TREH: variants seen among roughly 807,000 people sequenced by gnomAD.
The protein encoded by TREH is alpha,alpha-trehalose glucohydrolase.
Under a neutral mutation model 80.5 loss-of-function variants are expected in TREH, and 69 were observed. The observed-to-expected ratio is 0.86, with a 90% CI of 0.71 to 1.05. TREH has a LOEUF of 1.05. Among genes scored for constraint, TREH ranks in the 50% least tolerant of loss-of-function variants. TREH has a pLI of 0.00. For missense variants in TREH, 716 were observed against 718.8 expected (o/e 1.00, Z 0.04); for synonymous variants, 309 against 293.5 (o/e 1.05, Z -0.54).
In TREH at chr11:118,661,064, C is replaced by G; in HGVS notation, c.857+96G>C. On this transcript the variant is annotated intron_variant, in intron 8 of 14. Coordinates refer to ENST00000264029, the MANE Select transcript of TREH (RefSeq NM_007180.3). The surrounding 1 kb of genome is among the most constrained non-coding windows in gnomAD (Gnocchi z 4.2). Reference sequence around the variant, plus strand: ...CTCTCGGTGTCACCATCTGAGAGGCCAGGCTAAGTCACTCCTCCTCCTGCC... The same window carrying G: ...CTCTCGGTGTCACCATCTGAGAGGCGAGGCTAAGTCACTCCTCCTCCTGCC... 1 of 1,584,002 alleles carries G rather than the reference C, an allele frequency of 6.3e-7. No individual in the cohort carries two copies. Among genetic ancestry groups the G allele is most frequent in the South Asian group, 1.1e-5 (1 of 87,178 alleles).
In TREH at chr11:118,657,986, T is replaced by G; in HGVS notation, c.*303A>C. ...GCCCAGGCTGGGGGTTTTCAGTATT[T>G]GTAAGCATTTCAGCAGAACAATAAA... is the stretch of plus-strand genomic sequence containing the variant. On this transcript the variant is annotated 3_prime_UTR_variant, in exon 15 of 15. Coordinates refer to ENST00000264029, the MANE Select transcript of TREH (RefSeq NM_007180.3). 1 of 365,584 alleles carries G rather than the reference T, an allele frequency of 2.7e-6. No individual in the cohort carries two copies. Among genetic ancestry groups the G allele is most frequent in the Non-Finnish European group, 5.0e-6 (1 of 199,560 alleles). The allele number at this position is 365,584 out of a possible 1,614,324, so 22.6% of individuals were successfully genotyped here. A position where few individuals can be genotyped will look rare whatever the true frequency, so the allele number is the denominator to read the frequency against.
At position 118,659,913 on chromosome 11, in the gene TREH, G is replaced by T; in HGVS notation, c.1154C>A (p.Ala385Asp). 1 of 1,551,730 alleles carries T rather than the reference G, an allele frequency of 6.4e-7. No homozygotes were observed. The highest frequency in any genetic ancestry group is 8.7e-7 in the Non-Finnish European group (1 of 1,147,010). Reference protein sequence around the residue: ...KYRILRSQRLAALNTVLWDEQ... With the variant: ...KYRILRSQRLDALNTVLWDEQ... ...ATCCCACAGGACTGTGTTCAGGGCG[G>T]CCAAGCGCTGCGACCGCAGGATTCT... Residue 385 changes from alanine (A) to aspartate (D), a missense_variant, in exon 11 of 15, where the codon GCC becomes GAC. Physicochemically the swap from Ala to Asp is moderately radical, Grantham distance 126 (BLOSUM62 -2). Transcript: ENST00000264029.
intron 1 of TREH, among the ~76,000 whole-genome samples, chr11:118,671,060 T>G (rs773088497): frequency 2.0e-5 from 3 of 152,182 alleles, no homozygotes; most frequent in Non-Finnish European, 4.4e-5. Context: ...TTGTAAATGC[T>G]TCTCCTTCAG....
In TREH at chr11:118,661,127, A is replaced by G; in HGVS notation, c.857+33T>C. 6.2e-7 allele frequency: 1 copy of G among 1,612,582 alleles called. No individual in the cohort carries two copies. The highest frequency in any genetic ancestry group is 8.5e-7 in the Non-Finnish European group (1 of 1,178,996). On this transcript the variant is annotated intron_variant, in intron 8 of 14. Transcript: ENST00000264029. The surrounding 1 kb of genome is among the most constrained non-coding windows in gnomAD (Gnocchi z 4.2). Reference sequence around the variant, plus strand: ...ATGCTCTAACCAGAGTGAGCAGGTAAGAGATTGAGGGGTGGGCTGCCCAGT... The same window carrying G: ...ATGCTCTAACCAGAGTGAGCAGGTAGGAGATTGAGGGGTGGGCTGCCCAGT...
Position 118,658,670 on chromosome 11 carries a change from G to A in TREH, c.1599+10C>T. ...CCTGGTGTTGGCCAGCCCACCCCTG[G>A]CCTGCTCACCTGAACTTCATATTCT... On this transcript the variant is annotated intron_variant, in intron 14 of 14. Transcript: ENST00000264029. 2 of 1,584,206 alleles carry A rather than the reference G, an allele frequency of 1.3e-6. No homozygotes were observed. Among genetic ancestry groups the A allele is most frequent in the Non-Finnish European group, 1.7e-6 (2 of 1,164,964 alleles).
At chr11:118,665,240 G>T (rs187716101) in intron 1 of TREH, among the ~76,000 whole-genome samples, 1 of 152,286 alleles carries the variant, frequency 6.6e-6, no homozygotes, top group East Asian at 1.9e-4. Flanking sequence ...ATGACTATAT[G>T]ATTTGTTCCC....
At chr11:118,667,189 T>C in intron 1 of TREH, among the ~76,000 whole-genome samples, 1 of 151,806 alleles carries the variant, frequency 6.6e-6, no homozygotes, top group African/African-American at 2.4e-5. Context: ...GCCTATTTTT[T>C]CTTTTTTTAG....
chr11:118,659,663 G>A (rs2137259648), intron 11 of TREH, 84 bp downstream of exon 11: 1 of 1,488,966 alleles, frequency 6.7e-7, no homozygotes, highest in Non-Finnish European at 9.1e-7. Context: ...GCCGGAGGAA[G>A]CGCCCTCCCC....
intron 9 of TREH, 31 bp from the exon 10 acceptor site, chr11:118,660,764 C>T (rs1555144773): frequency 6.4e-7 from 1 of 1,553,318 alleles, no homozygotes; most frequent in Non-Finnish European, 8.7e-7. Flanking sequence ...ACCAGCCAGT[C>T]CCGGCTGCAG....
chr11:118,660,588 G>C lies in TREH; in HGVS notation c.1053C>G (p.Ala351=), dbSNP rs1555144691. Residue 351 remains alanine (A), a synonymous_variant, in exon 10 of 15, where the codon GCC becomes GCG. Coordinates refer to ENST00000264029, the MANE Select transcript of TREH (RefSeq NM_007180.3). The part of the protein sequence containing the change: ...TSKLVPVDLN[A]FLCQAEELMS... Reference sequence around the variant, plus strand: ...TCAGCTCCTCTGCTTGGCATAGGAAGGCATTCAGGTCAACAGGCACCAGTT... The same window carrying C: ...TCAGCTCCTCTGCTTGGCATAGGAACGCATTCAGGTCAACAGGCACCAGTT... The C allele has an allele frequency of 6.2e-7, 1 of 1,610,892 alleles. No homozygotes were observed. Among genetic ancestry groups the C allele is most frequent in the Admixed American group, 1.7e-5 (1 of 59,590 alleles).
At chr11:118,671,197 G>T (rs1949426888) in intron 1 of TREH, among the ~76,000 whole-genome samples, 1 of 152,142 alleles carries the variant, frequency 6.6e-6, no homozygotes, top group African/African-American at 2.4e-5. Context: ...GGCACAACCT[G>T]CCCCATCAGA....
At position 118,663,093 on chromosome 11, in the gene TREH, C is replaced by T. The variant is rs1367172483; in HGVS notation, c.294G>A (p.Gly98=). The change falls in exon 3 of 15, where the codon GGG becomes GGA. Residue 98 remains glycine (G), a synonymous_variant. Coordinates refer to ENST00000264029, the MANE Select transcript of TREH (RefSeq NM_007180.3). ...AFVHEHFQAK[G]QELQPWTPAD... is the part of the protein sequence containing the mutation. ...CAGGGGTCCAGGGCTGCAGCTCCTG[C>T]CCCTTGGCCTGGAAGTGTTCGTGGA... The T allele has an allele frequency of 8.1e-6, 13 of 1,613,924 alleles. No homozygotes were observed. The highest frequency in any genetic ancestry group is 9.3e-6 in the Non-Finnish European group (11 of 1,179,900).
chr11:118,659,603 C>G, intron 11 of TREH, 122 bp from the exon 12 acceptor site: 1 of 1,356,530 alleles, frequency 7.4e-7, no homozygotes, highest in Non-Finnish European at 1.0e-6. Flanking sequence ...CGGCTCACAG[C>G]TGCCCCCCGG....
At chr11:118,678,339 T>G (rs1440135621) in intron 1 of TREH, among the ~76,000 whole-genome samples, 1 of 148,702 alleles carries the variant, frequency 6.7e-6, no homozygotes, top group East Asian at 2.0e-4. Context: ...AAACTGTGCT[T>G]CTGTTACTGT....
In TREH at chr11:118,657,797, G is replaced by A. The variant is rs1050051767; in HGVS notation, c.*492C>T. On this transcript the variant is annotated 3_prime_UTR_variant, in exon 15 of 15. Transcript: ENST00000264029. ...TGAGCAGGAGATGATGCAGCAGAGG[G>A]GAAGGGCCCTGTGGTGCCGCCGCCC... 1.2e-5 allele frequency: 2 copies of A among 162,320 alleles called. No homozygotes were observed. Among genetic ancestry groups the A allele is most frequent in the Non-Finnish European group, 2.7e-5 (2 of 73,642 alleles). The allele number at this position is 162,320 out of a possible 1,614,324, so 10.1% of individuals were successfully genotyped here. A position where few individuals can be genotyped will look rare whatever the true frequency, so the allele number is the denominator to read the frequency against.
chr11:118,665,440 C>A (rs1226959971), intron 1 of TREH, among the ~76,000 whole-genome samples: 2 of 152,090 alleles, frequency 1.3e-5, no homozygotes, highest in African/African-American at 4.8e-5. Flanking sequence ...GAGAACGAGA[C>A]CTTCCTGGCT....
chr11:118,658,499 G>T, intron 14 of TREH, 58 bp from the exon 15 acceptor site: 1 of 1,578,218 alleles, frequency 6.3e-7, no homozygotes, highest in Non-Finnish European at 8.6e-7. Context: ...CCTTGGTGGG[G>T]GCTGTGGGCT....
chr11:118,672,355 G>A (rs1949437525), intron 1 of TREH, among the ~76,000 whole-genome samples: 1 of 151,374 alleles, frequency 6.6e-6, no homozygotes, highest in Non-Finnish European at 1.5e-5. Context: ...CTGAGATCTC[G>A]CCCCTGCACT....
chr11:118,662,492 G>A (rs1251089589), intron 4 of TREH, among the ~76,000 whole-genome samples: 1 of 152,234 alleles, frequency 6.6e-6, no homozygotes, highest in African/African-American at 2.4e-5. Flanking sequence ...TGAACACAGG[G>A]CCTGGCCCCA....
Sources: allele counts gnomAD v4.1 joint callset (sites outside exome capture counted in the v4.1 genomes callset), GRCh38; gene constraint gnomAD v4.1.1; non-coding constraint Gnocchi (gnomAD v3.1); transcripts MANE v1.5; gene names NCBI Gene and HGNC (gene_info 2026-07-23, HGNC 2026-07-21).